Variants in RPL31 observed in about 807,000 individuals in gnomAD.
RPL31 encodes the protein ribosomal protein L31.
For missense variants in RPL31, 95 were observed against 164.0 expected (o/e 0.58, Z 2.30); for synonymous variants, 51 against 55.0 (o/e 0.93, Z 0.32).
chr2:101,015,946 G>A (rs1298118343), intron 4 of RPL31, among the ~76,000 whole-genome samples: 2 of 151,606 alleles, frequency 1.3e-5, no homozygotes, highest in Non-Finnish European at 2.9e-5. Flanking sequence ...AGACTTAAAC[G>A]TTAGACCTAA....
At position 101,006,477 on chromosome 2, in the gene RPL31, T is replaced by G; in HGVS notation, c.*96T>G. 1 of 1,173,596 alleles carries G rather than the reference T, an allele frequency of 8.5e-7. No individual in the cohort carries two copies. Among genetic ancestry groups the G allele is most frequent in the Non-Finnish European group, 1.2e-6 (1 of 839,254 alleles). 72.7% of individuals were successfully genotyped at this position (1,173,596 alleles called of 1,614,324 possible). The stretch of plus-strand genomic sequence containing the variant: ...ATGTACTTGTATACCCTATCCTAAT[T>G]ATGGGATCATTTGAAGAGCTTTTCC... On this transcript the variant is annotated 3_prime_UTR_variant, in exon 5 of 5. Transcript: ENST00000264258.
chr2:101,002,454 T>C (rs762544744), intron 1 of RPL31, 139 bp downstream of exon 1: 20 of 549,346 alleles, frequency 3.6e-5, no homozygotes, highest in Non-Finnish European at 5.9e-5. Context: ...ACCCTGCTTT[T>C]AAAGGCTCCC....
downstream of RPL31, chr2:101,008,249 T>C: frequency 6.4e-7 from 1 of 1,558,902 alleles, no homozygotes; most frequent in South Asian, 1.2e-5. Context: ...CTGTACAGAG[T>C]TTTACAGAAC....
chr2:101,016,774 G>A (rs1485484524), intron 4 of RPL31, among the ~76,000 whole-genome samples: 1 of 152,058 alleles, frequency 6.6e-6, no homozygotes, highest in African/African-American at 2.4e-5. Context: ...GTCCTTTGTA[G>A]GGACATGGAT....
In RPL31 at chr2:101,006,082, C is replaced by G. The variant is rs1231368394; in HGVS notation, c.346+11C>G. 1 of 1,611,842 alleles carries G rather than the reference C, an allele frequency of 6.2e-7. No homozygotes were observed. Among genetic ancestry groups the G allele is most frequent in the Admixed American group, 1.7e-5 (1 of 59,588 alleles). The stretch of plus-strand genomic sequence containing the variant: ...TTACCACTTTCAAAAGTAAGTTCTC[C>G]ATCCCATAAAGCCATTTAAATTCAT... On this transcript the variant is annotated intron_variant, in intron 4 of 4. Coordinates refer to ENST00000264258, the MANE Select transcript of RPL31 (RefSeq NM_000993.5).
At chr2:101,019,352 T>G (rs1679884374) in exon 5 of RPL31, 1 of 231,476 alleles carries the variant, frequency 4.3e-6, no homozygotes, top group Non-Finnish European at 8.4e-6. Context: ...CTAGTATGTC[T>G]GTCCCACCTT....
At chr2:101,017,783 A>G (rs2105371084) in intron 4 of RPL31, 1 of 1,506,952 alleles carries the variant, frequency 6.6e-7, no homozygotes, top group Non-Finnish European at 9.0e-7. Context: ...CAAAATCTTG[A>G]CAAGCTCAGG....
Position 101,006,398 on chromosome 2 carries a change from C to T in RPL31, c.*17C>T. 6.2e-7 allele frequency: 1 copy of T among 1,608,054 alleles called. No homozygotes were observed. The highest frequency in any genetic ancestry group is 8.5e-7 in the Non-Finnish European group (1 of 1,178,220). The stretch of plus-strand genomic sequence containing the variant: ...GAGAACTAATCGCTGATCGTCAGAT[C>T]AAATAAAGTTATAAAATTGCCTTCA... On this transcript the variant is annotated 3_prime_UTR_variant, in exon 5 of 5. Coordinates refer to ENST00000264258, the MANE Select transcript of RPL31 (RefSeq NM_000993.5).
At chr2:101,018,975 C>T in intron 4 of RPL31, 1 of 1,609,704 alleles carries the variant, frequency 6.2e-7, no homozygotes, top group South Asian at 1.1e-5. Context: ...GGTACCAAAT[C>T]ATCTGTAATA....
chr2:101,019,166 C>G lies in RPL31; in HGVS notation c.*128C>G, dbSNP rs569354311. 1.1e-4 allele frequency: 148 copies of G among 1,329,002 alleles called. No homozygotes were observed. The African/African-American group carries it at 1.8e-3, about 16-fold the overall frequency. 82.3% of individuals were successfully genotyped at this position (1,329,002 alleles called of 1,614,324 possible). The stretch of plus-strand genomic sequence containing the variant: ...TCTCCCATATTACCCTGGCAGAGGG[C>G]CAGGCCTGTTCTACACGGCCGGGGT... On this transcript the variant is annotated 3_prime_UTR_variant, in exon 5 of 5. Transcript: ENST00000409028.
chr2:101,005,946 A>T lies in RPL31; in HGVS notation c.234-13A>T, dbSNP rs201111388. ...AGGCATTGACTTCAGCAACACAATT[A>T]TGTTTTTATTAGGAATGTGCCATAC... On this transcript the variant is annotated splice_polypyrimidine_tract_variant and intron_variant, in intron 3 of 4. Transcript: ENST00000264258. 83 of 1,609,228 alleles carry T rather than the reference A, an allele frequency of 5.2e-5. 2 individuals are homozygous for T. The African/African-American group carries it at 8.0e-4, about 16-fold the overall frequency.
In RPL31 at chr2:101,006,514, C is replaced by A. The variant is rs1678745367; in HGVS notation, c.*133C>A. 2.4e-6 allele frequency: 2 copies of A among 820,528 alleles called. No homozygotes were observed. The highest frequency in any genetic ancestry group is 1.8e-5 in the African/African-American group (1 of 56,860). The allele number at this position is 820,528 out of a possible 1,614,324, so 50.8% of individuals were successfully genotyped here. ...TGAAGAGCTTTTCCCAAATTGATGG[C>A]CTGTGCTGCCTTCTCCCCATCCCCT... On this transcript the variant is annotated 3_prime_UTR_variant, in exon 5 of 5. Coordinates refer to ENST00000264258, the MANE Select transcript of RPL31 (RefSeq NM_000993.5).
chr2:101,009,409 A>G (rs1387781204), downstream of RPL31, among the ~76,000 whole-genome samples: 1 of 84,078 alleles, frequency 1.2e-5, no homozygotes, highest in East Asian at 2.8e-4. Flanking sequence ...CTGTCTCCAA[A>G]AAAAAAAAAA....
chr2:101,011,127 C>A (rs944896110), downstream of RPL31: 4 of 1,125,678 alleles, frequency 3.6e-6, no homozygotes, highest in African/African-American at 6.2e-5. Flanking sequence ...TGAGGAATTC[C>A]ACTAAGCAAA....
At chr2:101,004,485 GGAAGGAGCCAGCA>G (rs1252786353) in intron 3 of RPL31, 2 of 567,054 alleles carry the variant, frequency 3.5e-6, no homozygotes, top group African/African-American at 3.8e-5. Flanking sequence ...GAGACCCAAG[GGAAGGAGCCAGCA>G]GTGTAGGGTG....
chr2:101,008,520 A>C (rs1046801729), downstream of RPL31, among the ~76,000 whole-genome samples: 4 of 152,232 alleles, frequency 2.6e-5, no homozygotes, highest in African/African-American at 9.6e-5. Flanking sequence ...AAGCAATTCA[A>C]GAAACCACAG....
chr2:101,002,675 C>T (rs760883075), intron 1 of RPL31, 27 bp from the exon 2 acceptor site: 107 of 1,576,604 alleles, frequency 6.8e-5, no homozygotes, highest in Non-Finnish European at 8.6e-5. Flanking sequence ...AAACTCTGCT[C>T]TGAGCCTCCT....
intron 4 of RPL31, among the ~76,000 whole-genome samples, chr2:101,018,630 CTG>C (rs147130620): frequency 3.5e-4 from 53 of 152,328 alleles, no homozygotes; most frequent in African/African-American, 1.3e-3. Flanking sequence ...GAGAGCCTAT[CTG>C]TGAATAAAAT....
At chr2:101,011,599 G>T (rs1160081483), downstream of RPL31, 3 of 1,568,830 alleles carry the variant, frequency 1.9e-6, no homozygotes, top group Non-Finnish European at 2.6e-6. Flanking sequence ...AAAACTGACA[G>T]TAATGTAGCT....
Sources: gnomAD v4.1 joint callset for allele counts (sites outside exome capture counted in the v4.1 genomes callset) on GRCh38, gnomAD v4.1.1 for gene constraint, MANE v1.5 for transcripts, NCBI Gene and HGNC (gene_info 2026-07-23, HGNC 2026-07-21) for gene names.